CLIC5: variants seen among roughly 807,000 people sequenced by gnomAD.
CLIC5 encodes the protein CLIC family member 5.
CLIC5 carries 20 observed loss-of-function variants against 24.7 expected under a neutral mutation model. The ratio of observed to expected loss-of-function variants is 0.81; its 90% confidence interval spans 0.57 to 1.18. The LOEUF is 1.18. Ranked by LOEUF, CLIC5 falls within the 50% of genes most tolerant of loss-of-function variation. The pLI is 0.00. For synonymous variants in CLIC5, 159 were observed against 135.6 expected (o/e 1.17, Z -1.20); for missense variants, 341 against 326.1 (o/e 1.05, Z -0.35).
At chr6:46,014,667 A>T (rs1562005257) in intron 1 of CLIC5, 1 of 152,106 alleles carries the variant, frequency 6.6e-6, no homozygotes, top group Non-Finnish European at 1.5e-5. Context: ...TTCTCCTTAC[A>T]CCGGCGGACC....
intron 1 of CLIC5, among the ~76,000 whole-genome samples, chr6:46,006,112 A>ATT (rs1561999021): frequency 3.2e-4 from 8 of 25,048 alleles, no homozygotes; most frequent in South Asian, 2.2e-3. Context: ...ATATATATAT[A>ATT]CACATGTATA....
At position 46,032,610 on chromosome 6, in the gene CLIC5, C is replaced by A. The variant is rs375775364; in HGVS notation, c.540+47093G>T. 1.0e-3 allele frequency among the ~76,000 whole-genome samples: 157 copies of A among 152,336 alleles called. 5 individuals are homozygous for A. The South Asian group carries it at 0.029, about 28-fold the overall frequency. ...GCTATGTGTGCTGCCTCCAACCCCC[C>A]ATATGAAGTCAACCACGTTTATCTT... is the stretch of plus-strand genomic sequence containing the variant. On this transcript the variant is annotated intron_variant, in intron 1 of 5. Coordinates refer to the CLIC5 transcript ENST00000185206.
the CLIC5 span, among the ~76,000 whole-genome samples, chr6:46,104,091 GC>G: frequency 2.0e-5 from 3 of 152,024 alleles, no homozygotes; most frequent in Admixed American, 6.6e-5. Context: ...CTTTTCCTAT[GC>G]CTTTGTTTTT....
At chr6:45,948,465 T>C (rs1764359488) in intron 3 of CLIC5, among the ~76,000 whole-genome samples, 1 of 152,200 alleles carries the variant, frequency 6.6e-6, no homozygotes. Context: ...CTGTGCTTAA[T>C]CCCTTTCAGA....
the CLIC5 span, among the ~76,000 whole-genome samples, chr6:46,127,104 T>C: frequency 6.6e-6 from 1 of 152,342 alleles, no homozygotes; most frequent in East Asian, 1.9e-4. Flanking sequence ...TGTGTATTGA[T>C]AAATAATATT....
At chr6:46,121,290 G>A in the CLIC5 span, among the ~76,000 whole-genome samples, 3 of 152,198 alleles carry the variant, frequency 2.0e-5, no homozygotes, top group Non-Finnish European at 2.9e-5. Context: ...CATTCTTAAA[G>A]AAAAGAATTT....
intron 1 of CLIC5, among the ~76,000 whole-genome samples, chr6:46,002,112 G>A (rs1766384732): frequency 6.6e-6 from 1 of 152,152 alleles, no homozygotes; most frequent in Non-Finnish European, 1.5e-5. Flanking sequence ...TGGGCCTCAA[G>A]GAGGAATGAA....
intron 1 of CLIC5, 151 bp downstream of exon 1, chr6:46,015,329 C>A (rs1562005711): frequency 2.9e-6 from 2 of 691,828 alleles, no homozygotes; most frequent in South Asian, 4.0e-5. Flanking sequence ...AGCCTCGCAG[C>A]GGGGCGCTGG....
chr6:46,128,568 T>C, the CLIC5 span, among the ~76,000 whole-genome samples: 5 of 152,254 alleles, frequency 3.3e-5, no homozygotes, highest in African/African-American at 1.2e-4. Context: ...GATACTGTGC[T>C]GAATACTCTA....
intron 4 of CLIC5, among the ~76,000 whole-genome samples, chr6:45,927,986 A>G (rs1187254069): frequency 2.0e-5 from 3 of 152,166 alleles, no homozygotes. Flanking sequence ...GAATGAAAAG[A>G]AGTGCTGCTT....
At chr6:46,124,146 C>T in the CLIC5 span, among the ~76,000 whole-genome samples, 1 of 152,170 alleles carries the variant, frequency 6.6e-6, no homozygotes, top group Non-Finnish European at 1.5e-5. Flanking sequence ...GCCAAAAGAA[C>T]AAAGCTGGAG....
chr6:45,906,932 T>C (rs1346347974), intron 5 of CLIC5, among the ~76,000 whole-genome samples: 5 of 152,228 alleles, frequency 3.3e-5, no homozygotes, highest in African/African-American at 9.6e-5. Flanking sequence ...GTGAAGTCTT[T>C]AGGGTTTTTG....
At chr6:46,045,854 T>C (rs1395811362) in intron 1 of CLIC5, among the ~76,000 whole-genome samples, 1 of 152,248 alleles carries the variant, frequency 6.6e-6, no homozygotes, top group African/African-American at 2.4e-5. Flanking sequence ...TATTCTCTTC[T>C]ATGAAATAGT....
At chr6:45,941,711 G>A (rs1403331994) in intron 3 of CLIC5, 58 bp from the exon 4 acceptor site, 6 of 1,260,332 alleles carry the variant, frequency 4.8e-6, no homozygotes, top group East Asian at 4.6e-5. Context: ...CTTTAAGGGT[G>A]AGCCTATCCC....
At chr6:46,100,572 G>A in the CLIC5 span, among the ~76,000 whole-genome samples, 7 of 152,080 alleles carry the variant, frequency 4.6e-5, no homozygotes, top group African/African-American at 1.2e-4. Context: ...AGACCACAGG[G>A]GCAGCAATTT....
At chr6:46,008,251 C>T (rs1472755768) in intron 1 of CLIC5, among the ~76,000 whole-genome samples, 2 of 152,178 alleles carry the variant, frequency 1.3e-5, no homozygotes, top group East Asian at 1.9e-4. Context: ...ATACCACTTG[C>T]TTCAGACAAC....
chr6:45,957,387 A>G (rs1764680459), intron 1 of CLIC5, among the ~76,000 whole-genome samples: 1 of 152,190 alleles, frequency 6.6e-6, no homozygotes, highest in Non-Finnish European at 1.5e-5. Context: ...GGAGGCACAG[A>G]GAGATAAAAT....
upstream of CLIC5, among the ~76,000 whole-genome samples, chr6:46,016,806 C>T (rs1184880784): frequency 2.0e-5 from 3 of 152,220 alleles, no homozygotes; most frequent in Non-Finnish European, 4.4e-5. Context: ...TGGCTTGTAG[C>T]AGCATAGGAT....
At chr6:46,119,574 CGGACAGTGGGTGCA>C in the CLIC5 span, among the ~76,000 whole-genome samples, 1 of 152,192 alleles carries the variant, frequency 6.6e-6, no homozygotes, top group East Asian at 1.9e-4. Context: ...TGAGGCTTGT[CGGACAGTGGGTGCA>C]GGACAGTGGG....
Sources: allele counts gnomAD v4.1 joint callset (sites outside exome capture counted in the v4.1 genomes callset), GRCh38; gene constraint gnomAD v4.1.1; transcripts MANE v1.5; gene names NCBI Gene and HGNC (gene_info 2026-07-23, HGNC 2026-07-21).